Variants in LGR6 observed in about 807,000 individuals in gnomAD.
LGR6 encodes leucine rich repeat containing G protein-coupled receptor 6.
LGR6 carries 45 observed loss-of-function variants against 69.4 expected under a neutral mutation model. The ratio of observed to expected loss-of-function variants is 0.65; its 90% confidence interval spans 0.51 to 0.83. The LOEUF is 0.83. LGR6 is among the 40% of genes least tolerant of loss of function. The pLI is 0.00. For missense variants in LGR6, 1,108 were observed against 1,246.7 expected, an observed-to-expected ratio of 0.89 and a Z score of 1.68; for synonymous variants, 538 against 555.0, an observed-to-expected ratio of 0.97 and a Z score of 0.43.
At position 202,309,141 on chromosome 1, in the gene LGR6, C is replaced by G. The variant is rs1369725820; in HGVS notation, c.1371C>G (p.Ser457=). The G allele has an allele frequency of 2.7e-5, 43 of 1,614,046 alleles. No individual in the cohort carries two copies. The highest frequency in any genetic ancestry group is 3.6e-5 in the Non-Finnish European group (43 of 1,180,012). ...HLKLKGNLAL[S]QAFSKDSFPK... is the part of the protein sequence containing the mutation. ...AGCTCAAAGGGAACCTTGCTCTCTCCCAGGCCTTCTCCAAGGACAGTTTCC... is the reference window on the plus strand; with the variant it reads ...AGCTCAAAGGGAACCTTGCTCTCTCGCAGGCCTTCTCCAAGGACAGTTTCC... Residue 457 remains serine, a synonymous_variant, in exon 15 of 18, where the codon TCC becomes TCG. Coordinates refer to ENST00000367278, the MANE Select transcript of LGR6 (RefSeq NM_001017403.2).
intron 1 of LGR6, among the ~76,000 whole-genome samples, chr1:202,204,540 T>C (rs111205718): frequency 0.019 from 53 of 2,784 alleles, no homozygotes; most frequent in Non-Finnish European, 0.024. Flanking sequence ...CACACCTCCT[T>C]CAAACACACA....
At chr1:202,307,005 T>C in intron 13 of LGR6, 66 bp downstream of exon 13, 3 of 1,342,424 alleles carry the variant, frequency 2.2e-6, no homozygotes, top group Non-Finnish European at 3.2e-6. Flanking sequence ...GGCATGCTCA[T>C]TGTCATAGCA....
intron 6 of LGR6, among the ~76,000 whole-genome samples, chr1:202,283,528 G>A (rs1043744841): frequency 9.2e-5 from 14 of 152,130 alleles, no homozygotes; most frequent in African/African-American, 3.4e-4. Flanking sequence ...TCTCATCTCC[G>A]GCAGCAGAGG....
chr1:202,228,854 C>T (rs892130414), intron 3 of LGR6, among the ~76,000 whole-genome samples: 2 of 152,130 alleles, frequency 1.3e-5, no homozygotes, highest in Non-Finnish European at 2.9e-5. Flanking sequence ...GCTGGAGCAA[C>T]AGAATGAGCA....
chr1:202,252,766 C>T (rs149177524), intron 4 of LGR6, among the ~76,000 whole-genome samples: 189 of 152,336 alleles, frequency 1.2e-3, no homozygotes, highest in African/African-American at 4.4e-3. Flanking sequence ...CCATGCCCAG[C>T]CCATGGCAGA....
chr1:202,213,074 C>T (rs1035218522), intron 1 of LGR6, among the ~76,000 whole-genome samples: 1 of 152,194 alleles, frequency 6.6e-6, no homozygotes, highest in Admixed American at 6.5e-5. Flanking sequence ...AGGGAACACA[C>T]ACTGTTCACA....
intron 1 of LGR6, among the ~76,000 whole-genome samples, chr1:202,222,527 G>A (rs116466788): frequency 2.0e-5 from 3 of 152,144 alleles, no homozygotes; most frequent in Admixed American, 6.5e-5. Flanking sequence ...TTGAACTCCC[G>A]CTGCGTTCCT....
intron 4 of LGR6, among the ~76,000 whole-genome samples, chr1:202,260,675 A>G (rs996890459): frequency 1.3e-5 from 2 of 152,220 alleles, no homozygotes; most frequent in African/African-American, 4.8e-5. Context: ...TGCCTGTAGT[A>G]TATTTTCAAG....
intron 6 of LGR6, among the ~76,000 whole-genome samples, chr1:202,295,804 G>A (rs2148237585): frequency 6.6e-6 from 1 of 152,174 alleles, no homozygotes; most frequent in South Asian, 2.1e-4. Context: ...GAGAAGCAAA[G>A]CAGAAGGGAT....
At chr1:202,294,536 G>A (rs1157467586) in intron 6 of LGR6, among the ~76,000 whole-genome samples, 1 of 152,206 alleles carries the variant, frequency 6.6e-6, no homozygotes, top group African/African-American at 2.4e-5. Flanking sequence ...CCACTCATAT[G>A]TCTGGGCCCT....
Position 202,280,765 on chromosome 1 carries a change from T to C in LGR6, c.645-16T>C, listed in dbSNP as rs761338026. The stretch of plus-strand genomic sequence containing the variant: ...CCGTGGGCACCCATTCTGATGCGTC[T>C]TTCCTTCCCGTGCAGGCATTTGCAT... On this transcript the variant is annotated splice_polypyrimidine_tract_variant and intron_variant, in intron 5 of 17. Coordinates refer to ENST00000367278, the MANE Select transcript of LGR6 (RefSeq NM_001017403.2). The C allele has an allele frequency of 2.5e-6, 4 of 1,613,988 alleles. No individual in the cohort carries two copies. The highest frequency in any genetic ancestry group is 3.4e-6 in the Non-Finnish European group (4 of 1,179,940).
chr1:202,292,529 ATTGTTTTTGGC>A (rs1019485212), intron 6 of LGR6, among the ~76,000 whole-genome samples: 4 of 151,628 alleles, frequency 2.6e-5, no homozygotes, highest in African/African-American at 9.8e-5. Flanking sequence ...CCAGGGCCTC[ATTGTTTTTGGC>A]CTGTAGCTGG....
rs1654003029 is a variant in LGR6 at position 202,314,658 on chromosome 1, G to A, written c.1568-144G>A. The stretch of plus-strand genomic sequence containing the variant: ...GACCAAATCTTTACCCCCAAGGGTA[G>A]AAATGGATGTGCCGGGTTGCTAGAA... On this transcript the variant is annotated intron_variant, in intron 16 of 17. Coordinates refer to ENST00000367278, the MANE Select transcript of LGR6 (RefSeq NM_001017403.2). 1.1e-5 allele frequency: 7 copies of A among 644,434 alleles called. No individual in the cohort carries two copies. In the South Asian group the frequency reaches 1.1e-4, roughly 10 times the overall value. The allele number at this position is 644,434 out of a possible 1,614,324, so 39.9% of individuals were successfully genotyped here.
At chr1:202,313,946 T>G (rs1022663828) in intron 16 of LGR6, among the ~76,000 whole-genome samples, 5 of 152,170 alleles carry the variant, frequency 3.3e-5, no homozygotes, top group Non-Finnish European at 5.9e-5. Context: ...CACAAGCTCT[T>G]TGAGAGCAGG....
intron 14 of LGR6, among the ~76,000 whole-genome samples, chr1:202,308,234 C>A (rs965061342): frequency 6.6e-6 from 1 of 152,158 alleles, no homozygotes; most frequent in African/African-American, 2.4e-5. Flanking sequence ...AGGCTGGGGC[C>A]GTGGCTTTGC....
In LGR6 at chr1:202,194,192, C is replaced by G. The variant is rs1368067445; in HGVS notation, c.203C>G (p.Thr68Arg). ...SAVPGDLDPL[T>R]AYLDLSMNNL... is the part of the protein sequence containing the mutation. ...GTTCCGGGGGACCTGGACCCCCTGA[C>G]GGCTTACCTGTGAGTACTGCCCGCC... Residue 68 changes from threonine to arginine, a missense_variant, in exon 1 of 18, where the codon ACG (threonine) becomes AGG (arginine). Physicochemically the swap from Thr to Arg is moderately conservative, Grantham distance 71. Transcript: ENST00000367278. The G allele has an allele frequency of 6.4e-7, 1 of 1,558,640 alleles. No homozygotes were observed. Among genetic ancestry groups the G allele is most frequent in the Non-Finnish European group, 8.6e-7 (1 of 1,160,786 alleles).
chr1:202,317,893 C>T, intron 17 of LGR6, 59 bp from the exon 18 acceptor site: 1 of 1,480,890 alleles, frequency 6.8e-7, no homozygotes, highest in South Asian at 1.3e-5. Flanking sequence ...TGACCTTGGT[C>T]CTGAAGACCT....
At chr1:202,205,623 A>C (rs1291233970) in intron 1 of LGR6, among the ~76,000 whole-genome samples, 9 of 141,906 alleles carry the variant, frequency 6.3e-5, no homozygotes, top group Admixed American at 2.1e-4. Flanking sequence ...CTTCACACAT[A>C]CACATACACC....
intron 1 of LGR6, chr1:202,197,473 A>G (rs1322842142): frequency 1.9e-6 from 1 of 533,000 alleles, no homozygotes; most frequent in East Asian, 5.4e-5. Flanking sequence ...ATTGACACTC[A>G]CCGGGGTTTT....
Sources: allele counts gnomAD v4.1 joint callset (sites outside exome capture counted in the v4.1 genomes callset), GRCh38; gene constraint gnomAD v4.1.1; transcripts MANE v1.5; gene names NCBI Gene and HGNC (gene_info 2026-07-23, HGNC 2026-07-21).